KIF22: variants seen among roughly 807,000 people sequenced by gnomAD.
The protein encoded by KIF22 is kinesin family member 22, also known as kinesin-like protein KIF22.
A neutral mutation model predicts 73.0 loss-of-function variants in KIF22; 62 were observed. The observed-to-expected ratio is 0.85, with a 90% CI of 0.69 to 1.05. The LOEUF (loss-of-function observed/expected upper bound fraction) is 1.05, where lower values mean the gene tolerates loss of function less well. KIF22 is among the 50% of genes least tolerant of loss of function. The probability of loss-of-function intolerance (pLI) is 0.00; values close to 1 mark genes in which losing one functional copy is unlikely to be tolerated. For missense variants in KIF22, 854 were observed against 870.1 expected, an observed-to-expected ratio of 0.98 and a Z score of 0.23; for synonymous variants, 411 against 340.1, an observed-to-expected ratio of 1.21 and a Z score of -2.29.
At chr16:29,804,313 C>T (rs914186896) in intron 11 of KIF22, 1 of 604,156 alleles carries the variant, frequency 1.7e-6, no homozygotes, top group East Asian at 2.7e-5. Flanking sequence ...TGGCTTCTAC[C>T]CTCTACAAGC....
rs1899070779 is a variant in KIF22, at chr16:29,799,777, T to G, written c.1140T>G (p.Pro380=). The G allele has an allele frequency of 6.2e-7, 1 of 1,613,628 alleles. No homozygotes were observed. The highest frequency in any genetic ancestry group is 8.5e-7 in the Non-Finnish European group (1 of 1,179,824). The change falls in exon 7 of 14, where the codon CCT becomes CCG. Residue 380 remains proline (P), a synonymous_variant. Transcript: ENST00000160827. ...NRPFTNESLQ[P]HALGPVKLSQ... Reference sequence around the variant, plus strand: ...CTTTTACCAATGAGAGCCTGCAGCCTCATGGTGAGAACTGGGGGAGGCAGG... The same window carrying G: ...CTTTTACCAATGAGAGCCTGCAGCCGCATGGTGAGAACTGGGGGAGGCAGG...
At chr16:29,791,845 G>A (rs866341841) in intron 1 of KIF22, among the ~76,000 whole-genome samples, 2 of 152,198 alleles carry the variant, frequency 1.3e-5, no homozygotes, top group South Asian at 4.1e-4. Flanking sequence ...CCTGCTGGCT[G>A]AGCACAGTCT....
At chr16:29,791,992 A>C (rs560229071) in intron 1 of KIF22, among the ~76,000 whole-genome samples, 1 of 152,224 alleles carries the variant, frequency 6.6e-6, no homozygotes, top group Non-Finnish European at 1.5e-5. Context: ...TACGAAACAC[A>C]ATGAGAGATG....
intron 9 of KIF22, 54 bp downstream of exon 9, chr16:29,802,991 C>T: frequency 1.3e-6 from 2 of 1,555,414 alleles, no homozygotes; most frequent in Non-Finnish European, 1.8e-6. Flanking sequence ...GAGAAGCAAT[C>T]CTTGGATCTT....
intron 1 of KIF22, among the ~76,000 whole-genome samples, chr16:29,791,957 TAG>T (rs1349045665): frequency 6.6e-6 from 1 of 152,180 alleles, no homozygotes; most frequent in Non-Finnish European, 1.5e-5. Context: ...TCTGTTTCAA[TAG>T]AGTGTCACAT....
chr16:29,803,830 G>T (rs1326927012), intron 10 of KIF22, among the ~76,000 whole-genome samples, 168 bp from the exon 11 acceptor site: 2 of 152,204 alleles, frequency 1.3e-5, no homozygotes, highest in Admixed American at 6.5e-5. Context: ...ATGCAAGACT[G>T]ACTGAAATTC....
rs374331057 is a variant in KIF22, at chr16:29,798,755, C to A, written c.549+8C>A. 2.0e-4 allele frequency: 326 copies of A among 1,612,576 alleles called. No homozygotes were observed. The highest frequency in any genetic ancestry group is 2.7e-4 in the Non-Finnish European group (314 of 1,179,334). ...GAGATCTACCAGGAGAAGGTGAGGC[C>A]CCGTGCTGGTTGGGAGAGGAGCAAC... On this transcript the variant is annotated splice_region_variant and intron_variant, in intron 4 of 13. Transcript: ENST00000160827. The surrounding 1 kb of genome is among the most constrained non-coding windows in gnomAD (Gnocchi z 4.1).
intron 1 of KIF22, among the ~76,000 whole-genome samples, chr16:29,796,257 C>G (rs1469911690): frequency 1.2e-5 from 1 of 85,344 alleles, no homozygotes; most frequent in South Asian, 4.4e-4. Flanking sequence ...GGTGACAGAG[C>G]AAGACTGTCT....
At position 29,798,234 on chromosome 16, in the gene KIF22, G is replaced by A. The variant is rs1027604168; in HGVS notation, c.267-140G>A. On this transcript the variant is annotated intron_variant, in intron 2 of 13. Transcript: ENST00000160827. The surrounding 1 kb of genome is among the most constrained non-coding windows in gnomAD (Gnocchi z 4.1). The stretch of plus-strand genomic sequence containing the variant: ...CTTTTTAAGGTCTTTGTACAAGAAA[G>A]GGGATAGAGACGTTCTCTTAAATCC... The A allele has an allele frequency of 6.9e-7, 1 of 1,444,386 alleles. No individual in the cohort carries two copies. The highest frequency in any genetic ancestry group is 2.6e-5 in the Admixed American group (1 of 38,720). 89.5% of individuals were successfully genotyped at this position (1,444,386 alleles called of 1,614,324 possible).
intron 8 of KIF22, 100 bp from the exon 9 acceptor site, chr16:29,802,669 T>C (rs1899182000): frequency 1.7e-6 from 2 of 1,145,954 alleles, no homozygotes; most frequent in South Asian, 1.7e-5. Context: ...GTTCTGGAGC[T>C]ACAGGATATA....
In KIF22 at chr16:29,799,384, A is replaced by C; in HGVS notation, c.880A>C (p.Ser294Arg). The C allele has an allele frequency of 6.2e-7, 1 of 1,614,180 alleles. No homozygotes were observed. The highest frequency in any genetic ancestry group is 8.5e-7 in the Non-Finnish European group (1 of 1,180,022). Reference sequence around the variant, plus strand: ...CAACAAGGGCCTTCGGCTAAAAGAGAGTGGAGCCATCAACACCTCCCTGTT... The same window carrying C: ...CAACAAGGGCCTTCGGCTAAAAGAGCGTGGAGCCATCAACACCTCCCTGTT... ...TGNKGLRLKE[S>R]GAINTSLFVL... Residue 294 changes from serine to arginine, a missense_variant, in exon 6 of 14, where the codon AGT (serine) becomes CGT (arginine). Coordinates refer to ENST00000160827, the MANE Select transcript of KIF22 (RefSeq NM_007317.3).
intron 10 of KIF22, 115 bp downstream of exon 10, chr16:29,803,723 A>T: frequency 1.1e-6 from 1 of 935,608 alleles, no homozygotes; most frequent in South Asian, 1.7e-5. Flanking sequence ...TACCAGTCCC[A>T]GGGAGGGGTG....
Position 29,797,549 on chromosome 16 carries a change from C to T in KIF22, c.266+461C>T, listed in dbSNP as rs552809169. On this transcript the variant is annotated intron_variant, in intron 2 of 13. Transcript: ENST00000160827. The surrounding 1 kb of genome is among the most constrained non-coding windows in gnomAD (Gnocchi z 4.1). The stretch of plus-strand genomic sequence containing the variant: ...GCCTGTTTTTCTAGGCGGGGGCTGG[C>T]AAACCATGGCCTGCAGGTCAAATCT... 6.6e-5 allele frequency among the ~76,000 whole-genome samples: 10 copies of T among 152,232 alleles called. No individual in the cohort carries two copies. Among genetic ancestry groups the T allele is most frequent in the Admixed American group, 3.9e-4 (6 of 15,292 alleles).
chr16:29,797,054 A>G lies in KIF22; in HGVS notation c.232A>G (p.Asn78Asp), dbSNP rs1898971519. ...GGACAGCTGCTCTCTAGAGATTGCTAACTGGAGGAACCACCAGGAGACTCT... is the reference window on the plus strand; with the variant it reads ...GGACAGCTGCTCTCTAGAGATTGCTGACTGGAGGAACCACCAGGAGACTCT... ...GMDSCSLEIA[N>D]WRNHQETLKY... Residue 78 changes from asparagine to aspartate, a missense_variant, in exon 2 of 14, where the codon AAC becomes GAC. By Grantham distance (23) the Asn-to-Asp change is conservative. Transcript: ENST00000160827. The surrounding 1 kb of genome is among the most constrained non-coding windows in gnomAD (Gnocchi z 4.1). 1 of 1,603,346 alleles carries G rather than the reference A, an allele frequency of 6.2e-7. No individual in the cohort carries two copies. The highest frequency in any genetic ancestry group is 8.5e-7 in the Non-Finnish European group (1 of 1,173,082).
rs1408121476 is a variant in KIF22 at position 29,804,933 on chromosome 16, C to T, written c.1797C>T (p.Gly599=). 6.2e-7 allele frequency: 1 copy of T among 1,613,692 alleles called. No individual in the cohort carries two copies. Among genetic ancestry groups the T allele is most frequent in the East Asian group, 2.2e-5 (1 of 44,886 alleles). ...AAATACTGGATCTGCTGAACGAAGG[C>T]TCAGCCCGAGATCTCCGCAGTCTTC... ...RQKILDLLNE[G]SARDLRSLQR... Residue 599 remains glycine, a synonymous_variant, in exon 12 of 14, where the codon GGC becomes GGT. Transcript: ENST00000160827.
chr16:29,798,860 A>G lies in KIF22; in HGVS notation c.549+113A>G. On this transcript the variant is annotated intron_variant, in intron 4 of 13. Transcript: ENST00000160827. The surrounding 1 kb of genome is among the most constrained non-coding windows in gnomAD (Gnocchi z 4.1). ...GGTAAGGTGAGACCTAGAAAGACAG[A>G]GACTGGGGTAGCAGATGGTACAACT... 1.3e-6 allele frequency: 2 copies of G among 1,530,292 alleles called. No individual in the cohort carries two copies. The highest frequency in any genetic ancestry group is 1.8e-6 in the Non-Finnish European group (2 of 1,115,536). The allele number at this position is 1,530,292 out of a possible 1,614,324, so 94.8% of individuals were successfully genotyped here.
In KIF22 at chr16:29,804,844, G is replaced by A. The variant is rs1899299605; in HGVS notation, c.1708G>A (p.Glu570Lys). ...LESLDALEPE[E>K]KAEDCWELQI... is the part of the protein sequence containing the mutation. ...GTCCCTGGATGCCCTAGAGCCTGAG[G>A]AGAAGGCTGAGGACTGCTGGGAGCT... is the stretch of plus-strand genomic sequence containing the variant. Residue 570 changes from glutamate to lysine, a missense_variant, in exon 12 of 14, where the codon GAG becomes AAG. This residue lies in a region of KIF22 where 423 missense variants were observed against 365.4 expected (regional missense o/e 1.16). Transcript: ENST00000160827. 1.2e-6 allele frequency: 2 copies of A among 1,612,950 alleles called. No individual in the cohort carries two copies. The highest frequency in any genetic ancestry group is 2.2e-5 in the East Asian group (1 of 44,862).
rs1898975278 is a variant in KIF22, at chr16:29,797,182, C to T, written c.266+94C>T. 1 of 917,330 alleles carries T rather than the reference C, an allele frequency of 1.1e-6. No homozygotes were observed. The highest frequency in any genetic ancestry group is 1.7e-5 in the African/African-American group (1 of 59,300). 56.8% of individuals were successfully genotyped at this position (917,330 alleles called of 1,614,324 possible). On this transcript the variant is annotated intron_variant, in intron 2 of 13. Transcript: ENST00000160827. The surrounding 1 kb of genome is among the most constrained non-coding windows in gnomAD (Gnocchi z 4.1). Reference sequence around the variant, plus strand: ...TGCCTCCCCAGGATCCTTGCTCCCTCCTTAGCACCGCTTTGTTCCCTGAGC... The same window carrying T: ...TGCCTCCCCAGGATCCTTGCTCCCTTCTTAGCACCGCTTTGTTCCCTGAGC...
At chr16:29,793,653 T>C (rs1214501415) in intron 1 of KIF22, among the ~76,000 whole-genome samples, 1 of 151,806 alleles carries the variant, frequency 6.6e-6, no homozygotes, top group East Asian at 1.9e-4. Context: ...TTGTTACAAC[T>C]TGAGGGTGAG....
Sources: gnomAD v4.1 joint callset for allele counts (sites outside exome capture counted in the v4.1 genomes callset) on GRCh38, gnomAD v4.1.1 for gene constraint, gnomAD v4.1.1 regional missense constraint, Gnocchi (gnomAD v3.1) non-coding constraint, MANE v1.5 for transcripts, NCBI Gene and HGNC (gene_info 2026-07-23, HGNC 2026-07-21) for gene names.